ASTN2: variants seen among roughly 807,000 people sequenced by gnomAD.
ASTN2 encodes astrotactin 2, also known as astrotactin-2.
In ASTN2, 54 loss-of-function variants were observed where a neutral mutation model predicts 139.8. That is an observed-to-expected ratio of 0.39 (90% CI 0.31 to 0.48). The LOEUF is 0.48. Ranked by LOEUF, ASTN2 falls within the 20% of genes least tolerant of loss-of-function variation. The pLI, the probability that ASTN2 is intolerant of heterozygous loss-of-function variation, is 0.95. For missense variants in ASTN2, 1,565 were observed against 1,725.1 expected (o/e 0.91, Z 1.64); for synonymous variants, 756 against 719.5 (o/e 1.05, Z -0.81).
At chr9:116,692,797 G>A (rs918156965) in intron 16 of ASTN2, among the ~76,000 whole-genome samples, 8 of 152,010 alleles carry the variant, frequency 5.3e-5, no homozygotes, top group Non-Finnish European at 1.2e-4. Context: ...TTTTGCCCAG[G>A]CTGAAGTACA....
intron 16 of ASTN2, among the ~76,000 whole-genome samples, chr9:116,654,093 G>A (rs1159229982): frequency 6.6e-6 from 1 of 152,188 alleles, no homozygotes; most frequent in Non-Finnish European, 1.5e-5. Context: ...GCCGTTCGGG[G>A]AGAAGGTCAA....
intron 3 of ASTN2, among the ~76,000 whole-genome samples, chr9:117,146,984 T>C (rs1394307063): frequency 6.6e-6 from 1 of 152,212 alleles, no homozygotes; most frequent in African/African-American, 2.4e-5. Context: ...TTGCACATTA[T>C]GAGCATATAT....
At chr9:116,803,502 ATATATATATATATATATATATTTTTTT>A (rs1490017045) in intron 13 of ASTN2, among the ~76,000 whole-genome samples, 5 of 8,342 alleles carry the variant, frequency 6.0e-4, no homozygotes, top group East Asian at 8.5e-3. Context: ...ATATATATAT[ATATATATATATATATATATATTTTTTT>A]TTTTTTTTTT....
intron 5 of ASTN2, among the ~76,000 whole-genome samples, chr9:117,085,254 G>A (rs1828531505): frequency 6.6e-6 from 1 of 152,178 alleles, no homozygotes; most frequent in Admixed American, 6.5e-5. Context: ...AATGGTCTTT[G>A]AATCCTAGCC....
At position 116,822,110 on chromosome 9, in the gene ASTN2, C is replaced by T. The variant is rs372975582; in HGVS notation, c.2041-1327G>A. 3.0e-3 allele frequency among the ~76,000 whole-genome samples: 460 copies of T among 152,056 alleles called. 2 individuals carry two copies. Among genetic ancestry groups the T allele is most frequent in the Non-Finnish European group, 5.6e-3 (379 of 68,002 alleles). ...CATGAGACCCCACCGGCCAACTCCC[C>T]GCTCCCCTTCCCATGCCATCGTCCT... is the stretch of plus-strand genomic sequence containing the variant. On this transcript the variant is annotated intron_variant, in intron 11 of 22. Coordinates refer to ENST00000313400, the MANE Select transcript of ASTN2 (RefSeq NM_001365068.1).
chr9:117,396,305 C>T (rs7032028), intron 1 of ASTN2, among the ~76,000 whole-genome samples: 53,187 of 151,948 alleles, frequency 0.35, 10,002 homozygotes, highest in Middle Eastern at 0.45. Flanking sequence ...CCAGATGAGC[C>T]TGCGTTTCAT....
intron 20 of ASTN2, among the ~76,000 whole-genome samples, chr9:116,446,278 G>GAGAGAGAGAGAGAC (rs1847993310): frequency 7.9e-6 from 1 of 126,542 alleles, no homozygotes; most frequent in Admixed American, 7.6e-5. Flanking sequence ...GAGATAGAGA[G>GAGAGAGAGAGAGAC]AGAGAGAGAG....
chr9:117,263,308 C>T (rs1416884030), intron 2 of ASTN2, among the ~76,000 whole-genome samples: 1 of 152,050 alleles, frequency 6.6e-6, no homozygotes, highest in Non-Finnish European at 1.5e-5. Flanking sequence ...TTTGTGTGAA[C>T]ATTTTTATCT....
intron 2 of ASTN2, among the ~76,000 whole-genome samples, chr9:117,240,139 T>C (rs1833163931): frequency 6.6e-6 from 1 of 152,142 alleles, no homozygotes. Context: ...GAAGTTGAGA[T>C]TGAGAGAGTT....
At chr9:117,266,011 G>A (rs1030373460) in intron 2 of ASTN2, among the ~76,000 whole-genome samples, 13 of 152,220 alleles carry the variant, frequency 8.5e-5, no homozygotes, top group African/African-American at 3.1e-4. Flanking sequence ...TTGCTCTAGT[G>A]GTAAAATGAG....
chr9:116,643,733 A>C (rs2131901152), intron 17 of ASTN2, among the ~76,000 whole-genome samples: 1 of 152,346 alleles, frequency 6.6e-6, no homozygotes, highest in Non-Finnish European at 1.5e-5. Context: ...TGTCTTCATC[A>C]TCAAAAAACT....
intron 19 of ASTN2, among the ~76,000 whole-genome samples, chr9:116,601,112 C>T (rs922011430): frequency 2.0e-5 from 3 of 152,114 alleles, no homozygotes; most frequent in African/African-American, 7.2e-5. Flanking sequence ...GCTAAAAGTT[C>T]ATGTAGTCAA....
chr9:116,975,964 G>A (rs976520501), intron 9 of ASTN2, 150 bp downstream of exon 9: 2 of 682,538 alleles, frequency 2.9e-6, no homozygotes, highest in African/African-American at 3.6e-5. Context: ...CCTGCGCCAT[G>A]ATGGTACATT....
chr9:116,632,830 T>C (rs1401308298), intron 17 of ASTN2, among the ~76,000 whole-genome samples: 1 of 152,260 alleles, frequency 6.6e-6, no homozygotes, highest in Non-Finnish European at 1.5e-5. Flanking sequence ...TTAGTGGACT[T>C]ACCACATTTT....
At chr9:116,963,499 C>T (rs1835923572) in intron 10 of ASTN2, among the ~76,000 whole-genome samples, 1 of 152,062 alleles carries the variant, frequency 6.6e-6, no homozygotes, top group African/African-American at 2.4e-5. Context: ...TGGTTTTAAG[C>T]AGGAAACAGC....
At position 117,033,409 on chromosome 9, in the gene ASTN2, A is replaced by G. The variant is rs555497189; in HGVS notation, c.1423+6410T>C. On this transcript the variant is annotated intron_variant, in intron 6 of 22. Coordinates refer to ENST00000313400, the MANE Select transcript of ASTN2 (RefSeq NM_001365068.1). ...TACTAGGTCTTAGGTATTGAGCTAAAAGCTTTATGAGCATTATTTCACTTA... is the reference window on the plus strand; with the variant it reads ...TACTAGGTCTTAGGTATTGAGCTAAGAGCTTTATGAGCATTATTTCACTTA... Among the ~76,000 whole-genome samples, 4 of 152,170 alleles carry G rather than the reference A, an allele frequency of 2.6e-5. No homozygotes were observed. The South Asian group carries it at 8.3e-4, about 32-fold the overall frequency.
chr9:116,730,284 T>C (rs549098146), intron 14 of ASTN2, among the ~76,000 whole-genome samples: 1 of 152,346 alleles, frequency 6.6e-6, no homozygotes, highest in Non-Finnish European at 1.5e-5. Flanking sequence ...GAGAATCTCA[T>C]TGGAACAAAT....
At chr9:117,325,666 G>A (rs978620091) in intron 1 of ASTN2, among the ~76,000 whole-genome samples, 2 of 152,120 alleles carry the variant, frequency 1.3e-5, no homozygotes, top group Non-Finnish European at 2.9e-5. Context: ...ATTACAGGAA[G>A]GGAAAAATGT....
At chr9:117,022,454 A>C (rs1409583492) in intron 6 of ASTN2, among the ~76,000 whole-genome samples, 5 of 108,682 alleles carry the variant, frequency 4.6e-5, no homozygotes, top group African/African-American at 1.3e-4. Flanking sequence ...AAAAAAAAAA[A>C]CAAAAAAACA....
Sources: gnomAD v4.1 joint callset for allele counts (sites outside exome capture counted in the v4.1 genomes callset) on GRCh38, gnomAD v4.1.1 for gene constraint, MANE v1.5 for transcripts, NCBI Gene and HGNC (gene_info 2026-07-23, HGNC 2026-07-21) for gene names.